WWC2: variants seen among roughly 807,000 people sequenced by gnomAD.
The protein encoded by WWC2 is WW and C2 domain containing 2, also known as protein WWC2.
A neutral mutation model predicts 138.5 loss-of-function variants in WWC2; 101 were observed. That is an observed-to-expected ratio of 0.73 (90% confidence interval 0.62 to 0.86). The LOEUF (loss-of-function observed/expected upper bound fraction) is 0.86, where lower values mean the gene tolerates loss of function less well. Among genes scored for constraint, WWC2 ranks in the 40% least tolerant of loss-of-function variants. WWC2 has a pLI of 0.00. For synonymous variants in WWC2, 558 were observed against 538.4 expected, an observed-to-expected ratio of 1.04 and a Z score of -0.50; for missense variants, 1,420 against 1,419.4, an observed-to-expected ratio of 1.00 and a Z score of -0.01.
chr4:183,233,547 AATGTTTT>A (rs2111294219), intron 4 of WWC2: 1 of 152,134 alleles, frequency 6.6e-6, no homozygotes, highest in South Asian at 2.1e-4. Flanking sequence ...TATTTTCATA[AATGTTTT>A]ATGTAATTTT....
intron 1 of WWC2, among the ~76,000 whole-genome samples, chr4:183,159,535 C>T (rs1232356120): frequency 1.3e-5 from 2 of 152,042 alleles, no homozygotes; most frequent in Non-Finnish European, 2.9e-5. Flanking sequence ...CTCTGAGTAG[C>T]TGGGACTACA....
At chr4:183,216,314 A>G (rs1735753031) in intron 4 of WWC2, among the ~76,000 whole-genome samples, 1 of 152,192 alleles carries the variant, frequency 6.6e-6, no homozygotes, top group Admixed American at 6.5e-5. Context: ...AGCTCCTTCA[A>G]GATGTAAGGG....
chr4:183,206,189 G>A (rs1735442813), intron 2 of WWC2, among the ~76,000 whole-genome samples: 1 of 152,070 alleles, frequency 6.6e-6, no homozygotes, highest in Non-Finnish European at 1.5e-5. Context: ...TGTACTACCT[G>A]TTGTCCAACA....
intron 1 of WWC2, among the ~76,000 whole-genome samples, chr4:183,123,407 G>GTGTT (rs1357505746): frequency 7.6e-6 from 1 of 131,930 alleles, no homozygotes; most frequent in Non-Finnish European, 1.6e-5. Context: ...TTTCAGGTGT[G>GTGTT]TGTGTGTGTG....
chr4:183,147,775 G>A (rs1733504328), intron 1 of WWC2, among the ~76,000 whole-genome samples: 1 of 152,100 alleles, frequency 6.6e-6, no homozygotes, highest in Non-Finnish European at 1.5e-5. Context: ...TTTAAGTTCT[G>A]TGTTTTGAAA....
intron 1 of WWC2, among the ~76,000 whole-genome samples, chr4:183,179,115 T>C (rs1005603723): frequency 8.5e-5 from 13 of 152,182 alleles, no homozygotes; most frequent in African/African-American, 2.9e-4. Flanking sequence ...TCATAAATTA[T>C]ATTGTTGAAT....
chr4:183,127,998 A>G (rs1484977693), intron 1 of WWC2, among the ~76,000 whole-genome samples: 4 of 151,110 alleles, frequency 2.6e-5, no homozygotes, highest in Admixed American at 1.3e-4. Context: ...TCTTGGGACT[A>G]GGAGTTCAAG....
chr4:183,189,772 T>G (rs539655214), intron 1 of WWC2, among the ~76,000 whole-genome samples: 1 of 152,340 alleles, frequency 6.6e-6, no homozygotes, highest in South Asian at 2.1e-4. Context: ...TGGCAAGAGT[T>G]TTAGTAACCT....
chr4:183,118,670 T>A (rs2152889483), intron 1 of WWC2, among the ~76,000 whole-genome samples: 1 of 152,324 alleles, frequency 6.6e-6, no homozygotes, highest in Middle Eastern at 3.4e-3. Flanking sequence ...TAAAATAAAT[T>A]GTTACTGTGA....
chr4:183,300,030 G>C (rs1239115025), intron 21 of WWC2, among the ~76,000 whole-genome samples: 2 of 152,168 alleles, frequency 1.3e-5, no homozygotes, highest in Non-Finnish European at 2.9e-5. Context: ...GTGTCCTCGT[G>C]TATTGTAAAA....
chr4:183,273,224 A>G (rs905009086), intron 16 of WWC2, among the ~76,000 whole-genome samples: 1 of 85,288 alleles, frequency 1.2e-5, no homozygotes, highest in Non-Finnish European at 3.0e-5. Flanking sequence ...ATTGGCCATT[A>G]GTATATCTTT....
chr4:183,204,464 G>A (rs1309535358), intron 2 of WWC2, among the ~76,000 whole-genome samples: 1 of 152,134 alleles, frequency 6.6e-6, no homozygotes, highest in Non-Finnish European at 1.5e-5. Context: ...GAACCCACAC[G>A]GCCTTACTCC....
chr4:183,305,287 C>G (rs1738988835), intron 21 of WWC2, among the ~76,000 whole-genome samples: 1 of 151,892 alleles, frequency 6.6e-6, no homozygotes, highest in Admixed American at 6.6e-5. Context: ...AGAAGATGTA[C>G]AATGTGTTTA....
At chr4:183,231,102 A>G (rs1736231091) in intron 4 of WWC2, among the ~76,000 whole-genome samples, 3 of 152,080 alleles carry the variant, frequency 2.0e-5, no homozygotes, top group Admixed American at 2.0e-4. Context: ...CAAAATTCCA[A>G]AACAAAACAT....
chr4:183,159,866 A>G (rs984931896), intron 1 of WWC2, among the ~76,000 whole-genome samples: 1 of 152,022 alleles, frequency 6.6e-6, no homozygotes, highest in Admixed American at 6.6e-5. Context: ...CAGTGTAGGG[A>G]TCTGCTTTTC....
At chr4:183,191,133 G>A (rs1386106273) in intron 1 of WWC2, among the ~76,000 whole-genome samples, 1 of 152,052 alleles carries the variant, frequency 6.6e-6, no homozygotes, top group Non-Finnish European at 1.5e-5. Flanking sequence ...TAGTCAAAGA[G>A]ACCATGTATG....
Position 183,308,253 on chromosome 4 carries a change from G to C in WWC2, c.3385-4088G>C, listed in dbSNP as rs141032759. Among the ~76,000 whole-genome samples the C allele has an allele frequency of 1.1e-3, 164 of 152,264 alleles. 1 individual carries two copies. Among genetic ancestry groups the C allele is most frequent in the African/African-American group, 3.8e-3 (158 of 41,566 alleles). On this transcript the variant is annotated intron_variant, in intron 21 of 22. Transcript: ENST00000403733. ...CTAAATAAATGGAAAAATATTCTATGTTTATGTATAGGAAGACTCAGTATT... is the reference window on the plus strand; with the variant it reads ...CTAAATAAATGGAAAAATATTCTATCTTTATGTATAGGAAGACTCAGTATT...
intron 1 of WWC2, among the ~76,000 whole-genome samples, chr4:183,149,855 G>A (rs1733590103): frequency 6.6e-6 from 1 of 152,110 alleles, no homozygotes; most frequent in African/African-American, 2.4e-5. Flanking sequence ...TTAATATGGG[G>A]TTGCAAAACA....
intron 1 of WWC2, among the ~76,000 whole-genome samples, chr4:183,124,136 C>G (rs945647397): frequency 6.6e-6 from 1 of 152,172 alleles, no homozygotes; most frequent in Non-Finnish European, 1.5e-5. Flanking sequence ...GATACCCAAA[C>G]AGTTCCTGTT....
Sources: allele counts gnomAD v4.1 joint callset (sites outside exome capture counted in the v4.1 genomes callset), GRCh38; gene constraint gnomAD v4.1.1; transcripts MANE v1.5; gene names NCBI Gene and HGNC (gene_info 2026-07-23, HGNC 2026-07-21).